RANBP3: variants seen among roughly 807,000 people sequenced by gnomAD.
The protein encoded by RANBP3 is ran-binding protein 3.
Under a neutral mutation model 77.3 loss-of-function variants are expected in RANBP3, and 14 were observed. That is an observed-to-expected ratio of 0.18 (90% CI 0.12 to 0.28). The LOEUF is 0.28. Ranked by LOEUF, RANBP3 falls within the 10% of genes least tolerant of loss-of-function variation. The pLI is 1.00. For missense variants in RANBP3, 586 were observed against 752.3 expected, an observed-to-expected ratio of 0.78 and a Z score of 2.59; for synonymous variants, 315 against 312.4, an observed-to-expected ratio of 1.01 and a Z score of -0.09.
intron 5 of RANBP3, among the ~76,000 whole-genome samples, chr19:5,937,084 A>AAAAAAAAG (rs2058075945): frequency 1.4e-5 from 2 of 143,610 alleles, no homozygotes; most frequent in East Asian, 4.1e-4. Context: ...AAAAAAAAAA[A>AAAAAAAAG]GGAAGAAAAT....
chr19:5,951,870 T>C (rs1599769768), intron 2 of RANBP3, among the ~76,000 whole-genome samples: 1 of 152,170 alleles, frequency 6.6e-6, no homozygotes, highest in East Asian at 1.9e-4. Flanking sequence ...TTTCCAAAAC[T>C]ATGGGCTGCC....
chr19:5,967,670 C>G (rs192176457), intron 1 of RANBP3, among the ~76,000 whole-genome samples: 1 of 152,148 alleles, frequency 6.6e-6, no homozygotes, highest in Non-Finnish European at 1.5e-5. Flanking sequence ...GGGGGCAGAA[C>G]TTGCACTTCT....
intron 1 of RANBP3, among the ~76,000 whole-genome samples, chr19:5,971,581 G>T (rs1019785863): frequency 2.0e-5 from 3 of 152,244 alleles, no homozygotes; most frequent in African/African-American, 7.2e-5. Flanking sequence ...AGAGCAGATA[G>T]TGTCTTTGTG....
In RANBP3 at chr19:5,917,548, C is replaced by A. The variant is rs1265071926; in HGVS notation, c.*62G>T. On this transcript the variant is annotated 3_prime_UTR_variant, in exon 17 of 17. Coordinates refer to ENST00000340578, the MANE Select transcript of RANBP3 (RefSeq NM_007322.3). Reference sequence around the variant, plus strand: ...CTGGACGCTGCCGGTGGGGTGGGGGCGGGTGGGCGGGTGGATAGACGGACA... The same window carrying A: ...CTGGACGCTGCCGGTGGGGTGGGGGAGGGTGGGCGGGTGGATAGACGGACA... 3 of 1,230,580 alleles carry A rather than the reference C, an allele frequency of 2.4e-6. No individual in the cohort carries two copies. In the African/African-American group the frequency reaches 6.0e-5, roughly 25 times the overall value. The allele number at this position is 1,230,580 out of a possible 1,614,324, so 76.2% of individuals were successfully genotyped here.
At chr19:5,963,834 G>A (rs2058432543) in intron 1 of RANBP3, among the ~76,000 whole-genome samples, 1 of 152,098 alleles carries the variant, frequency 6.6e-6, no homozygotes, top group South Asian at 2.1e-4. Context: ...GTCCCACATG[G>A]CTGCTGCTGA....
chr19:5,954,385 T>C (rs747858397), intron 2 of RANBP3, among the ~76,000 whole-genome samples: 4 of 152,142 alleles, frequency 2.6e-5, no homozygotes, highest in Non-Finnish European at 5.9e-5. Context: ...TGGAGGATAT[T>C]ACTGAATTAA....
chr19:5,966,971 T>C (rs1264133012), intron 1 of RANBP3, among the ~76,000 whole-genome samples: 3 of 152,248 alleles, frequency 2.0e-5, no homozygotes, highest in Non-Finnish European at 2.9e-5. Context: ...TGTAATCTGG[T>C]GACACGATCA....
At chr19:5,933,378 G>T in intron 6 of RANBP3, 36 bp downstream of exon 6, 1 of 1,570,624 alleles carries the variant, frequency 6.4e-7, no homozygotes, top group South Asian at 1.2e-5. Flanking sequence ...AAACGTCAGA[G>T]AGCCACCCCC....
In RANBP3 at chr19:5,965,369, G is replaced by C. The variant is rs1438433070; in HGVS notation, c.23-7396C>G. Among the ~76,000 whole-genome samples the C allele has an allele frequency of 3.3e-5, 5 of 152,172 alleles. No homozygotes were observed. The South Asian group carries it at 6.2e-4, about 19-fold the overall frequency. Reference sequence around the variant, plus strand: ...GGCGGTTTCAACAGCCCACATGTGAGAGTTAAATAGCAGGCTTCCTGGTAG... The same window carrying C: ...GGCGGTTTCAACAGCCCACATGTGACAGTTAAATAGCAGGCTTCCTGGTAG... On this transcript the variant is annotated intron_variant, in intron 1 of 16. Coordinates refer to ENST00000340578, the MANE Select transcript of RANBP3 (RefSeq NM_007322.3).
intron 5 of RANBP3, chr19:5,933,924 A>G (rs572281615): frequency 9.8e-4 from 152 of 155,288 alleles, no homozygotes; most frequent in Non-Finnish European, 1.5e-3. Flanking sequence ...GCACCACTAC[A>G]GATGTCTGGG....
chr19:5,949,827 C>T (rs1018623084), intron 3 of RANBP3, among the ~76,000 whole-genome samples: 1 of 152,124 alleles, frequency 6.6e-6, no homozygotes, highest in Non-Finnish European at 1.5e-5. Context: ...CAACATGGGC[C>T]TCTGTGAGAA....
At chr19:5,967,659 G>A (rs1443916022) in intron 1 of RANBP3, among the ~76,000 whole-genome samples, 6 of 152,124 alleles carry the variant, frequency 3.9e-5, no homozygotes, top group East Asian at 3.9e-4. Flanking sequence ...CGTAAGCCCC[G>A]GGGGGCAGAA....
intron 2 of RANBP3, among the ~76,000 whole-genome samples, chr19:5,956,533 C>CA (rs2058336700): frequency 6.6e-6 from 1 of 152,032 alleles, no homozygotes; most frequent in African/African-American, 2.4e-5. Context: ...GCTTCTTCAG[C>CA]AAAAAAAGTA....
intron 1 of RANBP3, among the ~76,000 whole-genome samples, chr19:5,962,061 T>G (rs1228677483): frequency 6.6e-6 from 1 of 151,988 alleles, no homozygotes; most frequent in Admixed American, 6.5e-5. Context: ...AGGCCTTATA[T>G]CCTGCCACGG....
intron 2 of RANBP3, among the ~76,000 whole-genome samples, chr19:5,955,499 C>A (rs1229548644): frequency 6.6e-6 from 1 of 152,206 alleles, no homozygotes; most frequent in Non-Finnish European, 1.5e-5. Flanking sequence ...GTCATACATG[C>A]AAATTAGCCT....
chr19:5,946,135 ACCTCT>A (rs923900944), intron 3 of RANBP3, among the ~76,000 whole-genome samples: 1 of 151,270 alleles, frequency 6.6e-6, no homozygotes, highest in African/African-American at 2.4e-5. Context: ...TGTGAGCACC[ACCTCT>A]AGGGTAAGTT....
chr19:5,941,257 C>T (rs2058132597), intron 5 of RANBP3, among the ~76,000 whole-genome samples: 1 of 152,166 alleles, frequency 6.6e-6, no homozygotes, highest in African/African-American at 2.4e-5. Context: ...GGGAGAACAC[C>T]CCACCCCTAA....
chr19:5,975,248 G>A (rs1270463130), intron 1 of RANBP3, among the ~76,000 whole-genome samples: 1 of 152,198 alleles, frequency 6.6e-6, no homozygotes, highest in African/African-American at 2.4e-5. Flanking sequence ...TTGATTTCCT[G>A]AGGACAGTTA....
At chr19:5,918,462 A>AG (rs2057774285) in intron 15 of RANBP3, 34 bp downstream of exon 15, 2 of 1,342,554 alleles carry the variant, frequency 1.5e-6, no homozygotes, top group Non-Finnish European at 9.9e-7. Flanking sequence ...TGGCAGGATG[A>AG]GGGGTCCCAG....
Sources: gnomAD v4.1 joint callset for allele counts (sites outside exome capture counted in the v4.1 genomes callset) on GRCh38, gnomAD v4.1.1 for gene constraint, MANE v1.5 for transcripts, NCBI Gene and HGNC (gene_info 2026-07-23, HGNC 2026-07-21) for gene names.